Variants in PTPRM observed in about 807,000 individuals in gnomAD.
PTPRM encodes protein tyrosine phosphatase receptor type M.
In PTPRM, 47 loss-of-function variants were observed where a neutral mutation model predicts 186.7. The observed-to-expected ratio is 0.25, with a 90% CI of 0.20 to 0.32. The LOEUF (loss-of-function observed/expected upper bound fraction) is 0.32, where lower values mean the gene tolerates loss of function less well. Among genes scored for constraint, PTPRM ranks in the 10% least tolerant of loss-of-function variants. The pLI is 1.00. For synonymous variants in PTPRM, 668 were observed against 674.9 expected (o/e 0.99, Z 0.16); for missense variants, 1,494 against 1,865.0 (o/e 0.80, Z 3.66).
At chr18:8,095,173 C>T (rs969057790) in intron 11 of PTPRM, among the ~76,000 whole-genome samples, 5 of 151,976 alleles carry the variant, frequency 3.3e-5, no homozygotes, top group Non-Finnish European at 1.5e-5. Flanking sequence ...AATCTAGTGT[C>T]CTGTAGTAAG....
chr18:8,301,674 T>G (rs2095159318), intron 20 of PTPRM, among the ~76,000 whole-genome samples: 1 of 152,326 alleles, frequency 6.6e-6, no homozygotes, highest in East Asian at 1.9e-4. Context: ...ATTCTAGGTG[T>G]CAGCGAGAGA....
chr18:7,723,964 T>G (rs970866672), intron 1 of PTPRM, among the ~76,000 whole-genome samples: 5 of 152,190 alleles, frequency 3.3e-5, no homozygotes, highest in Non-Finnish European at 7.4e-5. Flanking sequence ...GTTCTGTGCC[T>G]CCAGGCCCTG....
chr18:8,294,256 T>G (rs1401911101), intron 19 of PTPRM, among the ~76,000 whole-genome samples: 1 of 151,824 alleles, frequency 6.6e-6, no homozygotes, highest in Non-Finnish European at 1.5e-5. Context: ...TGTCTCAAAT[T>G]AAAAAAGAAA....
intron 4 of PTPRM, among the ~76,000 whole-genome samples, chr18:7,920,717 G>A (rs1381714046): frequency 6.6e-6 from 1 of 152,046 alleles, no homozygotes; most frequent in African/African-American, 2.4e-5. Flanking sequence ...ATGTTTTCTT[G>A]TTGCACATTA....
At chr18:7,650,444 T>TCCC (rs10707334) in intron 1 of PTPRM, among the ~76,000 whole-genome samples, 35 of 85,634 alleles carry the variant, frequency 4.1e-4, no homozygotes, top group African/African-American at 1.1e-3. Context: ...AACTTTCAAA[T>TCCC]CCCCCCCCCC....
chr18:7,904,694 G>T (rs1239361906), intron 3 of PTPRM, among the ~76,000 whole-genome samples: 6 of 152,110 alleles, frequency 3.9e-5, no homozygotes, highest in Non-Finnish European at 8.8e-5. Flanking sequence ...TCTGTTGTTT[G>T]GCTATTATGT....
At chr18:8,357,333 T>A (rs1312174481) in intron 23 of PTPRM, among the ~76,000 whole-genome samples, 1 of 152,260 alleles carries the variant, frequency 6.6e-6, no homozygotes, top group Non-Finnish European at 1.5e-5. Flanking sequence ...TTATAGACCT[T>A]CTTTTGAAAA....
intron 7 of PTPRM, among the ~76,000 whole-genome samples, chr18:8,045,260 A>G (rs527328184): frequency 6.6e-6 from 1 of 152,254 alleles, no homozygotes; most frequent in South Asian, 2.1e-4. Context: ...AGGTGGGAGG[A>G]TCACTTGAGC....
chr18:7,737,789 G>A (rs1383408008), intron 1 of PTPRM, among the ~76,000 whole-genome samples: 1 of 152,104 alleles, frequency 6.6e-6, no homozygotes, highest in East Asian at 1.9e-4. Context: ...TCAGCATAGG[G>A]GCAATGAGAC....
intron 1 of PTPRM, among the ~76,000 whole-genome samples, chr18:7,578,145 A>T (rs2036738889): frequency 6.6e-6 from 1 of 151,842 alleles, no homozygotes; most frequent in African/African-American, 2.4e-5. Context: ...GATGATGATG[A>T]TGATTATGAT....
chr18:7,906,282 TTCTG>T (rs1416459751), intron 3 of PTPRM, among the ~76,000 whole-genome samples: 1 of 152,104 alleles, frequency 6.6e-6, no homozygotes, highest in Non-Finnish European at 1.5e-5. Context: ...TAAGTTGGGG[TTCTG>T]TCTAACGCAT....
intron 7 of PTPRM, among the ~76,000 whole-genome samples, chr18:8,021,433 A>C (rs12326285): frequency 6.6e-6 from 1 of 151,336 alleles, no homozygotes; most frequent in Non-Finnish European, 1.5e-5. Context: ...TACATGTGCC[A>C]TGGTGGTTTG....
chr18:8,211,236 C>G (rs1309993320), intron 14 of PTPRM, among the ~76,000 whole-genome samples: 1 of 151,952 alleles, frequency 6.6e-6, no homozygotes, highest in Non-Finnish European at 1.5e-5. Context: ...ATTGCTAGGG[C>G]GGCCTCCTGC....
intron 1 of PTPRM, among the ~76,000 whole-genome samples, chr18:7,576,078 G>A (rs112851892): frequency 5.9e-5 from 9 of 152,236 alleles, no homozygotes; most frequent in African/African-American, 2.2e-4. Context: ...GAGGAGAGGA[G>A]TCAGAGACTT....
intron 1 of PTPRM, among the ~76,000 whole-genome samples, chr18:7,686,087 G>A (rs543864115): frequency 6.6e-6 from 1 of 152,258 alleles, no homozygotes; most frequent in East Asian, 1.9e-4. Flanking sequence ...TCTTTTCAGG[G>A]CATGTTGTAA....
At chr18:8,106,427 C>T (rs2145614090) in intron 11 of PTPRM, among the ~76,000 whole-genome samples, 1 of 152,188 alleles carries the variant, frequency 6.6e-6, no homozygotes, top group Non-Finnish European at 1.5e-5. Flanking sequence ...GCACTTGGTT[C>T]AGGTCAGATG....
At chr18:7,832,330 G>A (rs7244492) in intron 2 of PTPRM, among the ~76,000 whole-genome samples, 4,739 of 152,228 alleles carry the variant, frequency 0.031, 198 homozygotes, top group African/African-American at 0.096. Context: ...TAACTGGGGC[G>A]AGATGATATC....
intron 1 of PTPRM, among the ~76,000 whole-genome samples, chr18:7,575,650 G>A (rs2036669961): frequency 6.6e-6 from 1 of 152,160 alleles, no homozygotes; most frequent in Admixed American, 6.5e-5. Flanking sequence ...CTAAGTAAAG[G>A]GTTCATGTTA....
rs147426551 is a variant in PTPRM at position 7,961,125 on chromosome 18, G to T, written c.1132+5711G>T. On this transcript the variant is annotated intron_variant, in intron 7 of 32. Transcript: ENST00000580170. ...CCATCACCTGAAGCATTTATCCTTT[G>T]TGTTACAAACAATCCAGTTACACTC... Among the ~76,000 whole-genome samples, 755 of 152,240 alleles carry T rather than the reference G, an allele frequency of 5.0e-3. 6 individuals are homozygous for T. The highest frequency in any genetic ancestry group is 0.016 in the African/African-American group (682 of 41,550).
Sources: allele counts gnomAD v4.1 joint callset (sites outside exome capture counted in the v4.1 genomes callset), GRCh38; gene constraint gnomAD v4.1.1; transcripts MANE v1.5; gene names NCBI Gene and HGNC (gene_info 2026-07-23, HGNC 2026-07-21).